DNMT3A: variants seen among roughly 807,000 people sequenced by gnomAD.
The protein encoded by DNMT3A is DNA (cytosine-5)-methyltransferase 3A.
DNMT3A carries 267 observed loss-of-function variants against 117.6 expected under a neutral mutation model. The ratio of observed to expected loss-of-function variants is 2.27; its 90% CI spans 2.05 to 2.51. The LOEUF is 2.51. DNMT3A is among the 30% of genes most tolerant of loss of function. The probability of loss-of-function intolerance (pLI) is 0.00; values close to 1 mark genes in which losing one functional copy is unlikely to be tolerated. For synonymous variants in DNMT3A, 432 were observed against 474.8 expected (o/e 0.91, Z 1.17); for missense variants, 1,029 against 1,260.2 (o/e 0.82, Z 2.78).
chr2:25,238,909 G>A (rs975423366), intron 20 of DNMT3A, among the ~76,000 whole-genome samples: 9 of 152,218 alleles, frequency 5.9e-5, no homozygotes, highest in Non-Finnish European at 8.8e-5. Flanking sequence ...TACTTTTAAA[G>A]GTCCTGCTTT....
At chr2:25,240,907 C>G (rs1276580603) in intron 17 of DNMT3A, among the ~76,000 whole-genome samples, 177 bp from the exon 18 acceptor site, 1 of 152,210 alleles carries the variant, frequency 6.6e-6, no homozygotes, top group Non-Finnish European at 1.5e-5. Context: ...TAAACAAGAA[C>G]GGGACCAAGT....
At chr2:25,264,132 G>GTTTTTGTTTTT (rs2029958186) in intron 6 of DNMT3A, among the ~76,000 whole-genome samples, 1 of 73,740 alleles carries the variant, frequency 1.4e-5, no homozygotes, top group African/African-American at 5.5e-5. Flanking sequence ...CAACCCTTTG[G>GTTTTTGTTTTT]TTTTTTTTTT....
intron 1 of DNMT3A, among the ~76,000 whole-genome samples, chr2:25,325,139 G>A (rs2034736702): frequency 6.6e-6 from 1 of 151,262 alleles, no homozygotes; most frequent in Admixed American, 6.6e-5. Flanking sequence ...CCAAAAGTGA[G>A]CGGGGGGGGG....
At chr2:25,264,591 C>T (rs1450076432) in intron 6 of DNMT3A, among the ~76,000 whole-genome samples, 10 of 151,954 alleles carry the variant, frequency 6.6e-5, no homozygotes, top group Admixed American at 3.9e-4. Flanking sequence ...CCTCAGCCTC[C>T]CGAGTAGCTG....
chr2:25,324,983 ATGGCACCACCAGCAC>A (rs550146244), intron 1 of DNMT3A, among the ~76,000 whole-genome samples: 2,937 of 152,010 alleles, frequency 0.019, 36 homozygotes, highest in Non-Finnish European at 0.03. Context: ...TCTCGAGGCC[ATGGCACCACCAGCAC>A]TGGCACCACC....
intron 3 of DNMT3A, among the ~76,000 whole-genome samples, chr2:25,285,230 T>A (rs748869117): frequency 9.2e-5 from 14 of 152,120 alleles, no homozygotes; most frequent in African/African-American, 3.1e-4. Flanking sequence ...CCCCAGCCCC[T>A]CCCCTGCAAA....
rs560174314 is a variant in DNMT3A at position 25,297,651 on chromosome 2, C to G, written c.177+2488G>C. Among the ~76,000 whole-genome samples the G allele has an allele frequency of 2.0e-4, 30 of 152,216 alleles. No individual in the cohort carries two copies. The South Asian group carries it at 6.2e-3, about 32-fold the overall frequency. On this transcript the variant is annotated intron_variant, in intron 3 of 22. Transcript: ENST00000321117. ...TCAGCCTCCCGAGTAACTGGGATTACAGGCACCCGCCATCATGCCCGGCTA... is the reference window on the plus strand; with the variant it reads ...TCAGCCTCCCGAGTAACTGGGATTAGAGGCACCCGCCATCATGCCCGGCTA...
intron 16 of DNMT3A, 87 bp from the exon 17 acceptor site, chr2:25,241,794 C>A: frequency 6.5e-7 from 1 of 1,535,362 alleles, no homozygotes; most frequent in Non-Finnish European, 8.8e-7. Flanking sequence ...GCCAACAGGA[C>A]CCATGGGGTC....
At position 25,248,045 on chromosome 2, in the gene DNMT3A, C is replaced by A. The variant is rs1675051609; in HGVS notation, c.847G>T (p.Glu283Ter). 3 of 1,612,038 alleles carry A rather than the reference C, an allele frequency of 1.9e-6. No individual in the cohort carries two copies. The highest frequency in any genetic ancestry group is 1.7e-6 in the Non-Finnish European group (2 of 1,179,958). ...NATKAGDDEP[E>*]YEDGRGFGIG... The stretch of plus-strand genomic sequence containing the variant: ...GTGAAGAAGCCGCTCACCTCGTACT[C>A]TGGCTCGTCATCGCCTGCTTTGGTG... Residue 283 changes from glutamate to a stop codon, truncating the protein, a stop_gained, in exon 7 of 23, where the codon GAG (glutamate) becomes TAG (stop). Transcript: ENST00000321117. LOFTEE classifies it high-confidence loss of function.
intron 6 of DNMT3A, among the ~76,000 whole-genome samples, chr2:25,269,286 A>C (rs1268649489): frequency 6.6e-6 from 1 of 152,204 alleles, no homozygotes; most frequent in African/African-American, 2.4e-5. Context: ...AAGAGACTGC[A>C]CCACTGCACC....
chr2:25,244,523 G>C lies in DNMT3A; in HGVS notation c.1667+17C>G. ...GGGCCCAGCTAAGGAGACCACTGGA[G>C]GCCACAACAGCCTCACCTGCAGCAG... is the stretch of plus-strand genomic sequence containing the variant. On this transcript the variant is annotated intron_variant, in intron 14 of 22. Transcript: ENST00000321117. 1 of 1,613,388 alleles carries C rather than the reference G, an allele frequency of 6.2e-7. No individual in the cohort carries two copies. Among genetic ancestry groups the C allele is most frequent in the Non-Finnish European group, 8.5e-7 (1 of 1,179,360 alleles).
chr2:25,288,817 C>T (rs565315141), intron 3 of DNMT3A, among the ~76,000 whole-genome samples: 1 of 152,288 alleles, frequency 6.6e-6, no homozygotes, highest in South Asian at 2.1e-4. Flanking sequence ...AGTCACCACT[C>T]TTCTACTTTC....
rs1299658456 is a variant in DNMT3A, at chr2:25,298,851, C to T, written c.177+1288G>A. Among the ~76,000 whole-genome samples the T allele has an allele frequency of 1.3e-5, 2 of 152,146 alleles. No individual in the cohort carries two copies. The highest frequency in any genetic ancestry group is 2.9e-5 in the Non-Finnish European group (2 of 68,024). ...ATGACTTCACTCCGCCCCCCTGCCCCCCGCCTCAAATCTTCAGGCAGAACT... is the reference window on the plus strand; with the variant it reads ...ATGACTTCACTCCGCCCCCCTGCCCTCCGCCTCAAATCTTCAGGCAGAACT... On this transcript the variant is annotated intron_variant, in intron 3 of 22. Transcript: ENST00000321117. This position sits in a 1 kb window ranked among gnomAD's most constrained non-coding sequence, Gnocchi z 4.3.
chr2:25,305,994 G>A lies in DNMT3A; in HGVS notation c.73-5751C>T, dbSNP rs1311051374. On this transcript the variant is annotated intron_variant, in intron 2 of 22. Transcript: ENST00000321117. The surrounding 1 kb of genome is among the most constrained non-coding windows in gnomAD (Gnocchi z 4.1). ...GCCGGATCTAGCCAGCTACTTGCCC[G>A]GGCCCCCTGGGACAAGAAGCATGCC... 2.0e-5 allele frequency among the ~76,000 whole-genome samples: 3 copies of A among 152,196 alleles called. No homozygotes were observed. Among genetic ancestry groups the A allele is most frequent in the Non-Finnish European group, 4.4e-5 (3 of 68,026 alleles).
Position 25,235,707 on chromosome 2 carries a change from CT to C in DNMT3A, c.2596del (p.Arg866GlyfsTer15). ...CCAGATGCCAGCACAACCCGGGTAC[CT>C]TTCCATTTCAGTGCACCATAAGATG... ...EDILWCTEME[R>X]VFGFPVHYTD... On this transcript the variant is annotated frameshift_variant and splice_region_variant, in exon 22 of 23. Coordinates refer to ENST00000321117, the MANE Select transcript of DNMT3A (RefSeq NM_022552.5). LOFTEE classifies it high-confidence loss of function. 6.2e-7 allele frequency: 1 copy of C among 1,612,766 alleles called. No homozygotes were observed. Among genetic ancestry groups the C allele is most frequent in the Non-Finnish European group, 8.5e-7 (1 of 1,178,904 alleles).
chr2:25,259,307 G>T (rs1676414707), intron 6 of DNMT3A, among the ~76,000 whole-genome samples: 1 of 152,252 alleles, frequency 6.6e-6, no homozygotes, highest in South Asian at 2.1e-4. Context: ...TGCCAGGGCA[G>T]GGGTGGGAGA....
At position 25,252,504 on chromosome 2, in the gene DNMT3A, G is replaced by A. The variant is rs1356186594; in HGVS notation, c.640-4252C>T. On this transcript the variant is annotated intron_variant, in intron 6 of 22. Transcript: ENST00000321117. The surrounding 1 kb of genome is among the most constrained non-coding windows in gnomAD (Gnocchi z 5.5). ...GGTCCGAGGGGCGCGGGGCCGGGGG[G>A]CGAGGCCGTTCCCCGCCCGTTCCCA... Among the ~76,000 whole-genome samples the A allele has an allele frequency of 6.6e-6, 1 of 152,068 alleles. No homozygotes were observed. The highest frequency in any genetic ancestry group is 1.9e-4 in the East Asian group (1 of 5,170).
At chr2:25,331,394 C>A (rs2035007583) in intron 1 of DNMT3A, among the ~76,000 whole-genome samples, 1 of 152,220 alleles carries the variant, frequency 6.6e-6, no homozygotes, top group Admixed American at 6.5e-5. Flanking sequence ...GTTTTTGCTT[C>A]TTTTCTGTTT....
rs938731024 is a variant in DNMT3A at position 25,300,129 on chromosome 2, T to G, written c.177+10A>C. On this transcript the variant is annotated intron_variant, in intron 3 of 22. Coordinates refer to ENST00000321117, the MANE Select transcript of DNMT3A (RefSeq NM_022552.5). ...TGTGCACAGGAGGGTGTGTAGGATGTGACACTCACCGGGGGGTGCTTGCGC... is the reference window on the plus strand; with the variant it reads ...TGTGCACAGGAGGGTGTGTAGGATGGGACACTCACCGGGGGGTGCTTGCGC... 6.2e-7 allele frequency: 1 copy of G among 1,612,482 alleles called. No individual in the cohort carries two copies. Among genetic ancestry groups the G allele is most frequent in the Non-Finnish European group, 8.5e-7 (1 of 1,179,454 alleles).
Sources: allele counts gnomAD v4.1 joint callset (sites outside exome capture counted in the v4.1 genomes callset), GRCh38; gene constraint gnomAD v4.1.1; non-coding constraint Gnocchi (gnomAD v3.1); transcripts MANE v1.5; gene names NCBI Gene and HGNC (gene_info 2026-07-23, HGNC 2026-07-21).